SLC35D4: variants seen among roughly 807,000 people sequenced by gnomAD.
SLC35D4 encodes UDP-N-acetylglucosamine transporter SLC35D4.
chr18:23,384,869 T>C, the SLC35D4 span: 1 of 773,080 alleles, frequency 1.3e-6, no homozygotes, highest in Non-Finnish European at 2.1e-6. Flanking sequence ...CACTATCAGG[T>C]AATCTTGCCT....
chr18:23,249,152 T>C, the SLC35D4 span, among the ~76,000 whole-genome samples: 3 of 152,236 alleles, frequency 2.0e-5, no homozygotes, highest in Admixed American at 6.5e-5. Flanking sequence ...ACCACAGCCC[T>C]TGCTCCAGCC....
At chr18:23,312,401 G>A in the SLC35D4 span, among the ~76,000 whole-genome samples, 5 of 152,142 alleles carry the variant, frequency 3.3e-5, no homozygotes, top group Middle Eastern at 3.2e-3. Flanking sequence ...CGGTGCCTTC[G>A]CCGTCTGCCA....
the SLC35D4 span, among the ~76,000 whole-genome samples, chr18:23,411,158 G>A: frequency 7.0e-6 from 1 of 142,544 alleles, no homozygotes; most frequent in Admixed American, 7.0e-5. Context: ...GAAGGAAGGA[G>A]GGAAGGAGGG....
the SLC35D4 span, among the ~76,000 whole-genome samples, chr18:23,386,326 G>C: frequency 2.6e-5 from 4 of 151,994 alleles, no homozygotes; most frequent in African/African-American, 9.7e-5. Flanking sequence ...CTTATAAGAG[G>C]AGGCAGGTTG....
At chr18:23,288,218 C>G in the SLC35D4 span, among the ~76,000 whole-genome samples, 13 of 152,194 alleles carry the variant, frequency 8.5e-5, no homozygotes, top group Non-Finnish European at 1.3e-4. Flanking sequence ...CTTTCCTGTT[C>G]CTCACCCTGA....
the SLC35D4 span, among the ~76,000 whole-genome samples, chr18:23,248,591 G>A: frequency 3.6e-4 from 53 of 149,144 alleles, no homozygotes; most frequent in Admixed American, 1.5e-3. Flanking sequence ...ACTTTGGGAG[G>A]CCGAGGCGGG....
At chr18:23,339,046 C>A in the SLC35D4 span, among the ~76,000 whole-genome samples, 1 of 152,144 alleles carries the variant, frequency 6.6e-6, no homozygotes, top group Non-Finnish European at 1.5e-5. Context: ...AGCCACCACA[C>A]CTGGCTAATT....
the SLC35D4 span, among the ~76,000 whole-genome samples, chr18:23,401,805 G>A: frequency 6.6e-6 from 1 of 152,200 alleles, no homozygotes; most frequent in Non-Finnish European, 1.5e-5. Flanking sequence ...AGAGGCATCA[G>A]GGTGTTTGAA....
At chr18:23,414,570 G>T in the SLC35D4 span, among the ~76,000 whole-genome samples, 1 of 151,814 alleles carries the variant, frequency 6.6e-6, no homozygotes, top group Non-Finnish European at 1.5e-5. Flanking sequence ...CTTCCCGGGG[G>T]GCTGAGGCAA....
At chr18:23,329,906 G>A in the SLC35D4 span, among the ~76,000 whole-genome samples, 38 of 152,268 alleles carry the variant, frequency 2.5e-4, no homozygotes, top group African/African-American at 8.4e-4. Context: ...TCCTTTGCAC[G>A]ACATGGATGA....
the SLC35D4 span, among the ~76,000 whole-genome samples, chr18:23,328,721 G>A: frequency 6.6e-6 from 1 of 152,030 alleles, no homozygotes; most frequent in African/African-American, 2.4e-5. Flanking sequence ...AGTTCATATG[G>A]AATCAAAAAA....
chr18:23,326,455 A>T, the SLC35D4 span, among the ~76,000 whole-genome samples: 1 of 152,246 alleles, frequency 6.6e-6, no homozygotes, highest in African/African-American at 2.4e-5. Context: ...GAGACAAAGA[A>T]GTCCATTACA....
At chr18:23,412,604 G>A in the SLC35D4 span, among the ~76,000 whole-genome samples, 1 of 152,054 alleles carries the variant, frequency 6.6e-6, no homozygotes, top group Non-Finnish European at 1.5e-5. Flanking sequence ...GACTCAGAGA[G>A]GATCACATTC....
chr18:23,286,254 A>G, the SLC35D4 span, among the ~76,000 whole-genome samples: 32 of 152,248 alleles, frequency 2.1e-4, no homozygotes, highest in African/African-American at 7.5e-4. Context: ...AAGAACTTCC[A>G]AACACCTAAA....
the SLC35D4 span, among the ~76,000 whole-genome samples, chr18:23,332,063 A>ATT: frequency 4.3e-3 from 628 of 147,636 alleles, 2 homozygotes; most frequent in Middle Eastern, 7.0e-3. Context: ...TTTAAAAAGA[A>ATT]TTTTTTTTTT....
chr18:23,348,452 GTATTGT>G, the SLC35D4 span, among the ~76,000 whole-genome samples: 1 of 152,142 alleles, frequency 6.6e-6, no homozygotes, highest in Non-Finnish European at 1.5e-5. Flanking sequence ...TCTCCAATTA[GTATTGT>G]TAAATAATCT....
At chr18:23,245,379 C>T in the SLC35D4 span, among the ~76,000 whole-genome samples, 2 of 151,904 alleles carry the variant, frequency 1.3e-5, no homozygotes, top group Non-Finnish European at 2.9e-5. Flanking sequence ...GGCGTGGTGG[C>T]GTGCACCTGT....
At chr18:23,306,755 GA>G in the SLC35D4 span, among the ~76,000 whole-genome samples, 897 of 152,228 alleles carry the variant, frequency 5.9e-3, 10 homozygotes, top group African/African-American at 0.02. Flanking sequence ...CCATGGGGGG[GA>G]AAAATCTGCC....
chr18:23,272,437 C>A, the SLC35D4 span, among the ~76,000 whole-genome samples: 17 of 151,862 alleles, frequency 1.1e-4, no homozygotes, highest in Non-Finnish European at 2.5e-4. Flanking sequence ...AGAGCCAGAC[C>A]CCATCTCTTA....
Sources: allele counts gnomAD v4.1 joint callset (sites outside exome capture counted in the v4.1 genomes callset), GRCh38; gene constraint gnomAD v4.1.1; transcripts MANE v1.5; gene names NCBI Gene and HGNC (gene_info 2026-07-23, HGNC 2026-07-21).